SPDYE1: variants seen among roughly 807,000 people sequenced by gnomAD.
SPDYE1 encodes speedy protein E1.
SPDYE1 carries 29 observed loss-of-function variants against 45.9 expected under a neutral mutation model. That is an observed-to-expected ratio of 0.63 (90% CI 0.47 to 0.86). The LOEUF is 0.86. SPDYE1 is among the 40% of genes least tolerant of loss of function. The pLI, the probability that SPDYE1 is intolerant of heterozygous loss-of-function variation, is 0.00. For missense variants in SPDYE1, 346 were observed against 481.4 expected (o/e 0.72, Z 2.63); for synonymous variants, 134 against 176.8 (o/e 0.76, Z 1.92).
At chr7:44,005,471 A>G in intron 6 of SPDYE1, 1 of 558,266 alleles carries the variant, frequency 1.8e-6, no homozygotes, top group Non-Finnish European at 3.1e-6. Context: ...TGAGGTCAGC[A>G]GTTCGAGACC....
At chr7:44,002,351 G>A (rs1339384321) in intron 3 of SPDYE1, among the ~76,000 whole-genome samples, 21 of 124,914 alleles carry the variant, frequency 1.7e-4, no homozygotes, top group African/African-American at 5.4e-4. Flanking sequence ...GGGACTCAGA[G>A]AGCCAGGGAC....
chr7:44,006,023 CACG>C lies in SPDYE1; in HGVS notation c.752+799_752+801del, dbSNP rs1479887708. On this transcript the variant is annotated intron_variant, in intron 6 of 8. Coordinates refer to ENST00000693451, the MANE Select transcript of SPDYE1 (RefSeq NM_001378423.2). Reference sequence around the variant, plus strand: ...GTGCAGCCTGAACATCTTTCCAAAGCACGACAACCTCACTGCCCACCTGAACAA... The same window carrying C: ...GTGCAGCCTGAACATCTTTCCAAAGCACAACCTCACTGCCCACCTGAACAA... Among the ~76,000 whole-genome samples the C allele has an allele frequency of 5.9e-5, 9 of 152,270 alleles. No individual in the cohort carries two copies. The South Asian group carries it at 1.9e-3, about 32-fold the overall frequency.
In SPDYE1 at chr7:44,009,896, A is replaced by T. The variant is rs1225847255; in HGVS notation, c.*1275A>T. ...TAACATATATATTACATTTATAGCTATGTAGTAGTTCCCCTAAATTCTTGT... is the reference window on the plus strand; with the variant it reads ...TAACATATATATTACATTTATAGCTTTGTAGTAGTTCCCCTAAATTCTTGT... On this transcript the variant is annotated 3_prime_UTR_variant, in exon 9 of 9. Coordinates refer to ENST00000693451, the MANE Select transcript of SPDYE1 (RefSeq NM_001378423.2). 1 of 151,926 alleles carries T rather than the reference A, an allele frequency of 6.6e-6. No individual in the cohort carries two copies. The highest frequency in any genetic ancestry group is 1.5e-5 in the Non-Finnish European group (1 of 67,994). The allele number at this position is 151,926 out of a possible 1,614,324, so 9.4% of individuals were successfully genotyped here.
chr7:44,002,886 C>T, intron 4 of SPDYE1, 69 bp downstream of exon 4: 1 of 1,020,772 alleles, frequency 9.8e-7, no homozygotes, highest in Non-Finnish European at 1.4e-6. Flanking sequence ...CCAATAACCA[C>T]ACTTTTCCAA....
At chr7:44,007,217 G>C in intron 6 of SPDYE1, 51 bp from the exon 7 acceptor site, 1 of 1,612,100 alleles carries the variant, frequency 6.2e-7, no homozygotes. Context: ...ACCTCAGCCG[G>C]AGGTCTCTCC....
In SPDYE1 at chr7:44,001,090, C is replaced by T. The variant is rs1335391597; in HGVS notation, c.185C>T (p.Pro62Leu). The change falls in exon 3 of 9, where the codon CCA (proline) becomes CTA (leucine). Residue 62 changes from proline to leucine, a missense_variant. Pro to Leu is a moderately conservative substitution (Grantham distance 98, BLOSUM62 -3). Transcript: ENST00000693451. ...PSAPGVDPSP[P>L]CRSLGWKRKR... Reference sequence around the variant, plus strand: ...GCCCCTGGGGTAGATCCCAGCCCCCCATGTAGGTCCCTTGGCTGGAAAAGG... The same window carrying T: ...GCCCCTGGGGTAGATCCCAGCCCCCTATGTAGGTCCCTTGGCTGGAAAAGG... 1 of 1,597,626 alleles carries T rather than the reference C, an allele frequency of 6.3e-7. No homozygotes were observed. Among genetic ancestry groups the T allele is most frequent in the Non-Finnish European group, 8.5e-7 (1 of 1,179,804 alleles).
intron 6 of SPDYE1, among the ~76,000 whole-genome samples, chr7:44,005,571 G>A (rs1254220524): frequency 3.3e-5 from 5 of 151,908 alleles, no homozygotes; most frequent in Non-Finnish European, 7.4e-5. Flanking sequence ...CCAGCTACTC[G>A]GGAGGCTGAG....
rs920210708 is a variant in SPDYE1 at position 44,002,654 on chromosome 7, G to C, written c.444G>C (p.Trp148Cys). 6.3e-7 allele frequency: 1 copy of C among 1,597,434 alleles called. No individual in the cohort carries two copies. The highest frequency in any genetic ancestry group is 8.5e-7 in the Non-Finnish European group (1 of 1,179,912). Residue 148 changes from tryptophan (W) to cysteine (C), a missense_variant, in exon 4 of 9, where the codon TGG (tryptophan) becomes TGC (cysteine). By Grantham distance (215) the Trp-to-Cys change is radical. Around this residue, in one of 4 missense-constraint regions of SPDYE1, gnomAD observed 141 missense variants for 176.7 expected, o/e 0.80. Coordinates refer to ENST00000693451, the MANE Select transcript of SPDYE1 (RefSeq NM_001378423.2). ...SFCWKRKMEW[W>C]DKSEESEEEP... is the part of the protein sequence containing the mutation. ...GCTGGAAAAGGAAGATGGAGTGGTG[G>C]GACAAATCTGAGGAGTCGGAGGAGG...
rs562570346 is a variant in SPDYE1 at position 44,006,916 on chromosome 7, T to C, written c.753-352T>C. On this transcript the variant is annotated intron_variant, in intron 6 of 8. Transcript: ENST00000693451. ...GGCATGAGCCACCGTGTCTGGCATA[T>C]TTCTTATATTTTTAATAGAGACGAG... Among the ~76,000 whole-genome samples, 300 of 152,258 alleles carry C rather than the reference T, an allele frequency of 2.0e-3. 1 individual carries two copies. Among genetic ancestry groups the C allele is most frequent in the African/African-American group, 7.0e-3 (290 of 41,524 alleles).
In SPDYE1 at chr7:44,007,459, T is replaced by A; in HGVS notation, c.944T>A (p.Leu315Ter). The change falls in exon 7 of 9, where the codon TTA becomes TAA. Residue 315 changes from leucine (L) to a stop codon, truncating the protein, a stop_gained. Coordinates refer to ENST00000693451, the MANE Select transcript of SPDYE1 (RefSeq NM_001378423.2). LOFTEE classifies it high-confidence loss of function. ...TTGGTCCGTAAGCGTCGGTTCCAGT[T>A]ACGCCGTTGCATGAACCCGAGGGCC... ...IPLVRKRRFQ[L>*]RRCMNPRARK... The A allele has an allele frequency of 1.3e-6, 2 of 1,573,308 alleles. No homozygotes were observed. Among genetic ancestry groups the A allele is most frequent in the Non-Finnish European group, 1.7e-6 (2 of 1,154,568 alleles).
intron 6 of SPDYE1, 132 bp from the exon 7 acceptor site, chr7:44,007,136 C>A: frequency 6.3e-7 from 1 of 1,574,876 alleles, no homozygotes; most frequent in South Asian, 1.2e-5. Context: ...CTGAGGAAGG[C>A]ATGGCTCTCT....
intron 2 of SPDYE1, among the ~76,000 whole-genome samples, chr7:44,000,556 C>A (rs1401571029): frequency 6.6e-6 from 1 of 151,814 alleles, no homozygotes; most frequent in Non-Finnish European, 1.5e-5. Context: ...CTTTGGGAGG[C>A]CAAGGCAGGC....
rs780812044 is a variant in SPDYE1 at position 44,001,254 on chromosome 7, G to A, written c.349G>A (p.Glu117Lys). 6.3e-7 allele frequency: 1 copy of A among 1,597,732 alleles called. No individual in the cohort carries two copies. The highest frequency in any genetic ancestry group is 8.5e-7 in the Non-Finnish European group (1 of 1,179,904). The change falls in exon 3 of 9, where the codon GAG (glutamate) becomes AAG (lysine). Residue 117 changes from glutamate (E) to lysine (K), a missense_variant. Physicochemically the swap from Glu to Lys is moderately conservative, Grantham distance 56 (BLOSUM62 1). Transcript: ENST00000693451. The stretch of plus-strand genomic sequence containing the variant: ...ACAGCGAGTGTCACCCATCCTCCTT[G>A]AGCACCACAAGGACTTCAACAGTCA... ...KQQRVSPILL[E>K]HHKDFNSQLA...
chr7:44,009,737 T>C lies in SPDYE1; in HGVS notation c.*1116T>C, dbSNP rs1204484647. On this transcript the variant is annotated 3_prime_UTR_variant, in exon 9 of 9. Transcript: ENST00000693451. ...GTGTGATGGTATTATAACTGTTATA[T>C]ACACATACATATAATTTTGTTTTCC... 8 of 151,438 alleles carry C rather than the reference T, an allele frequency of 5.3e-5. No individual in the cohort carries two copies. Among genetic ancestry groups the C allele is most frequent in the African/African-American group, 1.7e-4 (7 of 41,382 alleles). 9.4% of individuals were successfully genotyped at this position (151,438 alleles called of 1,614,324 possible).
In SPDYE1 at chr7:43,999,693, C is replaced by CTA; in HGVS notation, c.-257_-256insTA. The stretch of plus-strand genomic sequence containing the variant: ...AGGTTGGGACAGTGGCAGGAGATAC[C>CTA]ATTCACCCAGGATCTCCAGGACAAG... On this transcript the variant is annotated 5_prime_UTR_variant, in exon 2 of 9. It introduces an in-frame stop codon into an upstream open reading frame of the 5' UTR. Coordinates refer to ENST00000693451, the MANE Select transcript of SPDYE1 (RefSeq NM_001378423.2). Among the ~76,000 whole-genome samples, 1 of 142,384 alleles carries CTA rather than the reference C, an allele frequency of 7.0e-6. No individual in the cohort carries two copies. Among genetic ancestry groups the CTA allele is most frequent in the East Asian group, 2.0e-4 (1 of 4,984 alleles). 93.4% of individuals were successfully genotyped at this position (142,384 alleles called of 152,430 possible).
intron 1 of SPDYE1, among the ~76,000 whole-genome samples, chr7:43,999,199 G>A (rs1405334605): frequency 3.3e-5 from 5 of 152,326 alleles, no homozygotes; most frequent in African/African-American, 1.2e-4. Flanking sequence ...TTGGAAATAT[G>A]TGTGAGCTCA....
Position 44,007,473 on chromosome 7 carries a change from A to C in SPDYE1, c.958A>C (p.Asn320His). The C allele has an allele frequency of 6.2e-7, 1 of 1,613,246 alleles. No individual in the cohort carries two copies. Among genetic ancestry groups the C allele is most frequent in the Non-Finnish European group, 8.5e-7 (1 of 1,179,600 alleles). ...TCGGTTCCAGTTACGCCGTTGCATGAACCCGAGGGCCAGGAAGAACCGCTC... is the reference window on the plus strand; with the variant it reads ...TCGGTTCCAGTTACGCCGTTGCATGCACCCGAGGGCCAGGAAGAACCGCTC... ...KRRFQLRRCM[N>H]PRARKNRSQI... Residue 320 changes from asparagine (N) to histidine (H), a missense_variant, in exon 7 of 9, where the codon AAC becomes CAC. Physicochemically the swap from Asn to His is moderately conservative, Grantham distance 68. Coordinates refer to ENST00000693451, the MANE Select transcript of SPDYE1 (RefSeq NM_001378423.2).
chr7:43,998,833 CT>C (rs997662952), intron 1 of SPDYE1, among the ~76,000 whole-genome samples: 14 of 132,570 alleles, frequency 1.1e-4, no homozygotes, highest in African/African-American at 3.8e-4. Flanking sequence ...GCCACCACAC[CT>C]GGCTAATTTG....
In SPDYE1 at chr7:44,007,385, A is replaced by T; in HGVS notation, c.870A>T (p.Leu290Phe). 1.2e-6 allele frequency: 2 copies of T among 1,613,258 alleles called. No homozygotes were observed. Among genetic ancestry groups the T allele is most frequent in the Non-Finnish European group, 1.7e-6 (2 of 1,179,462 alleles). The change falls in exon 7 of 9, where the codon TTA becomes TTT. Residue 290 changes from leucine to phenylalanine, a missense_variant. This residue lies in a region of SPDYE1 where 186 missense variants were observed against 219.1 expected (regional missense o/e 0.85). Transcript: ENST00000693451. ...IPLLRKRRFQ[L>F]YRSMNPRARK... ...TGCTCCGTAAGCGTCGGTTCCAGTT[A>T]TACCGTTCCATGAACCCGAGGGCCA...
Sources: allele counts gnomAD v4.1 joint callset (sites outside exome capture counted in the v4.1 genomes callset), GRCh38; gene constraint gnomAD v4.1.1; regional missense constraint gnomAD v4.1.1; transcripts MANE v1.5; gene names NCBI Gene and HGNC (gene_info 2026-07-23, HGNC 2026-07-21).